The following MYBPC1 variants were observed in gnomAD, a reference collection of about 807,000 sequenced individuals.
MYBPC1 encodes the protein myosin binding protein C1, also known as myosin-binding protein C, slow-type.
In MYBPC1, 52 loss-of-function variants were observed where a neutral mutation model predicts 147.1. The ratio of observed to expected loss-of-function variants is 0.35; its 90% confidence interval spans 0.28 to 0.45. MYBPC1 has a LOEUF of 0.45. MYBPC1 is among the 20% of genes least tolerant of loss of function. MYBPC1 has a pLI of 1.00. For synonymous variants in MYBPC1, 477 were observed against 475.9 expected, an observed-to-expected ratio of 1.00 and a Z score of -0.03; for missense variants, 1,228 against 1,440.3, an observed-to-expected ratio of 0.85 and a Z score of 2.39.
At position 101,642,343 on chromosome 12, in the gene MYBPC1, A is replaced by G; in HGVS notation, c.666-76A>G. 2.0e-6 allele frequency: 3 copies of G among 1,494,650 alleles called. No individual in the cohort carries two copies. In the South Asian group the frequency reaches 3.5e-5, roughly 17 times the overall value. 92.6% of individuals were successfully genotyped at this position (1,494,650 alleles called of 1,614,324 possible). ...CTTTTTTACACTGAACTGAAAAAGC[A>G]GAATTATACCTCGACCTTCGTGGTC... is the stretch of plus-strand genomic sequence containing the variant. On this transcript the variant is annotated intron_variant, in intron 10 of 31. Transcript: ENST00000361466.
intron 19 of MYBPC1, chr12:101,660,121 A>G: frequency 2.6e-6 from 1 of 385,998 alleles, no homozygotes; most frequent in South Asian, 2.2e-5. Context: ...CAGAGGGATT[A>G]GATCTGCCTT....
chr12:101,677,470 T>C (rs922846056), intron 27 of MYBPC1, 76 bp downstream of exon 27: 3 of 1,554,018 alleles, frequency 1.9e-6, no homozygotes, highest in African/African-American at 2.7e-5. Context: ...AAAAGAGATG[T>C]GGTGAAAGGG....
intron 25 of MYBPC1, among the ~76,000 whole-genome samples, chr12:101,675,020 A>G (rs919047637): frequency 7.9e-5 from 12 of 152,062 alleles, no homozygotes; most frequent in African/African-American, 2.9e-4. Context: ...TTAAAGGGTC[A>G]TTCCCTTTAA....
At position 101,670,423 on chromosome 12, in the gene MYBPC1, G is replaced by C. The variant is rs760581890; in HGVS notation, c.2613+14G>C. The C allele has an allele frequency of 5.6e-6, 9 of 1,605,504 alleles. No homozygotes were observed. In the Admixed American group the frequency reaches 6.7e-5, roughly 12 times the overall value. Reference sequence around the variant, plus strand: ...ATACCTTTCCAGGTAAGAGTTCAAGGGTCGCTCTTTTTCTCTTTAGAGGGC... The same window carrying C: ...ATACCTTTCCAGGTAAGAGTTCAAGCGTCGCTCTTTTTCTCTTTAGAGGGC... On this transcript the variant is annotated intron_variant, in intron 24 of 31. Transcript: ENST00000361466.
intron 12 of MYBPC1, among the ~76,000 whole-genome samples, chr12:101,646,252 A>C (rs999540529): frequency 6.6e-6 from 1 of 152,154 alleles, no homozygotes; most frequent in Non-Finnish European, 1.5e-5. Context: ...AATAGTATAT[A>C]TAAATATGCT....
chr12:101,639,557 T>C (rs574406759), intron 10 of MYBPC1, among the ~76,000 whole-genome samples: 40 of 152,348 alleles, frequency 2.6e-4, no homozygotes, highest in African/African-American at 9.1e-4. Flanking sequence ...TGTTCTTATA[T>C]GAAATTTGAT....
Position 101,677,385 on chromosome 12 carries a change from G to T in MYBPC1, c.3100G>T (p.Ala1034Ser), listed in dbSNP as rs765001117. ...ATMTKESAVI[A>S]RDGKIYKNPV... Reference sequence around the variant, plus strand: ...CATGACTAAAGAGAGTGCAGTGATCGCCAGGGATGGTGAGTTGGGAATGGA... The same window carrying T: ...CATGACTAAAGAGAGTGCAGTGATCTCCAGGGATGGTGAGTTGGGAATGGA... Residue 1034 changes from alanine (A) to serine (S), a missense_variant, in exon 27 of 32, where the codon GCC becomes TCC. Physicochemically the swap from Ala to Ser is moderately conservative, Grantham distance 99. Around this residue, in one of 2 missense-constraint regions of MYBPC1, gnomAD observed 1,077 missense variants for 1,314.2 expected, o/e 0.82. Transcript: ENST00000361466. The T allele has an allele frequency of 1.2e-6, 2 of 1,613,862 alleles. No individual in the cohort carries two copies. Among genetic ancestry groups the T allele is most frequent in the Non-Finnish European group, 1.7e-6 (2 of 1,179,924 alleles).
chr12:101,645,809 A>G (rs1441920094), intron 12 of MYBPC1, among the ~76,000 whole-genome samples: 5 of 152,164 alleles, frequency 3.3e-5, no homozygotes, highest in African/African-American at 1.2e-4. Context: ...ATATTTTACA[A>G]TCTTCTTGGC....
rs79361647 is a variant in MYBPC1, at chr12:101,649,723, T to C, written c.1363+297T>C. Among the ~76,000 whole-genome samples the C allele has an allele frequency of 7.7e-3, 1,166 of 152,312 alleles. 18 individuals are homozygous for C. Among genetic ancestry groups the C allele is most frequent in the African/African-American group, 0.027 (1,106 of 41,560 alleles). On this transcript the variant is annotated intron_variant, in intron 15 of 31. Transcript: ENST00000361466. ...GGATAAATACTTAGATACGATGTCA[T>C]ATCCTGATAATGTTAGCTAGCTATT...
chr12:101,642,204 G>T (rs1892192845), intron 10 of MYBPC1, among the ~76,000 whole-genome samples: 1 of 152,174 alleles, frequency 6.6e-6, no homozygotes. Context: ...AACGAAAGGT[G>T]TTACTATAAG....
chr12:101,657,951 A>G (rs1331199862), intron 18 of MYBPC1, among the ~76,000 whole-genome samples: 4 of 152,136 alleles, frequency 2.6e-5, no homozygotes, highest in Admixed American at 2.6e-4. Flanking sequence ...TAATACGGTG[A>G]AACCCCGTCT....
chr12:101,595,947 C>T (rs1458335979), intron 1 of MYBPC1, among the ~76,000 whole-genome samples: 1 of 151,734 alleles, frequency 6.6e-6, no homozygotes, highest in African/African-American at 2.4e-5. Context: ...ACTATGCATG[C>T]ATTGAATTTA....
At chr12:101,655,726 A>G (rs568121620) in intron 18 of MYBPC1, among the ~76,000 whole-genome samples, 1 of 152,358 alleles carries the variant, frequency 6.6e-6, no homozygotes, top group South Asian at 2.1e-4. Context: ...ACTTTCTCAG[A>G]CAAACAAAAC....
At chr12:101,692,125 A>G in the MYBPC1 span, among the ~76,000 whole-genome samples, 36 of 152,208 alleles carry the variant, frequency 2.4e-4, 1 homozygote. Context: ...ACACAGCTGG[A>G]GCATGAGACT....
rs1898423351 is a variant in MYBPC1, at chr12:101,670,529, GTAAA to G, written c.2613+125_2613+128del. 6 of 868,034 alleles carry G rather than the reference GTAAA, an allele frequency of 6.9e-6. No individual in the cohort carries two copies. In the Admixed American group the frequency reaches 1.1e-4, roughly 16 times the overall value. The allele number at this position is 868,034 out of a possible 1,614,324, so 53.8% of individuals were successfully genotyped here. Reference sequence around the variant, plus strand: ...CAGGATTTCCTCAGAGGGAGAGGAGGTAAATAAAGAATGAAAGAGTATTGGAGAA... The same window carrying G: ...CAGGATTTCCTCAGAGGGAGAGGAGGTAAAGAATGAAAGAGTATTGGAGAA... On this transcript the variant is annotated intron_variant, in intron 24 of 31. Transcript: ENST00000361466.
At chr12:101,688,995 G>T (rs1306776014), downstream of MYBPC1, among the ~76,000 whole-genome samples, 1 of 150,836 alleles carries the variant, frequency 6.6e-6, no homozygotes, top group Non-Finnish European at 1.5e-5. Context: ...GAGGTACTTC[G>T]TGCCTTCAAG....
At chr12:101,658,328 C>CA (rs1441272896) in intron 18 of MYBPC1, among the ~76,000 whole-genome samples, 15 of 151,282 alleles carry the variant, frequency 9.9e-5, no homozygotes, top group Non-Finnish European at 1.9e-4. Context: ...GAATCTTTGA[C>CA]AAAATGCATG....
rs749391400 is a variant in MYBPC1, at chr12:101,627,780, C to T, written c.154C>T (p.Arg52Trp). The part of the protein sequence containing the change: ...PSALPPGLGS[R>W]ALERKDSDWT... ...CACTTTCCTTTCAGGTTTGGGTAGT[C>T]GGGCCCTGGAGAGAAAAGATTCAGG... Residue 52 changes from arginine to tryptophan, a missense_variant, in exon 5 of 32, where the codon CGG becomes TGG. Physicochemically the swap from Arg to Trp is moderately radical, Grantham distance 101. Transcript: ENST00000361466. The T allele has an allele frequency of 1.4e-5, 22 of 1,613,814 alleles. No homozygotes were observed. The highest frequency in any genetic ancestry group is 3.3e-5 in the South Asian group (3 of 91,064).
At chr12:101,627,669 G>A in intron 4 of MYBPC1, 100 bp from the exon 5 acceptor site, 1 of 1,351,420 alleles carries the variant, frequency 7.4e-7, no homozygotes, top group Non-Finnish European at 1.1e-6. Flanking sequence ...TATCACCAGA[G>A]GAGACAGGGT....
Sources: allele counts gnomAD v4.1 joint callset (sites outside exome capture counted in the v4.1 genomes callset), GRCh38; gene constraint gnomAD v4.1.1; regional missense constraint gnomAD v4.1.1; transcripts MANE v1.5; gene names NCBI Gene and HGNC (gene_info 2026-07-23, HGNC 2026-07-21).